LPAR3: variants seen among roughly 807,000 people sequenced by gnomAD.
LPAR3 encodes lysophosphatidic acid receptor 3.
A neutral mutation model predicts 17.8 loss-of-function variants in LPAR3; 7 were observed. The ratio of observed to expected loss-of-function variants is 0.39; its 90% confidence interval spans 0.22 to 0.74. LPAR3 has a LOEUF of 0.74. Among genes scored for constraint, LPAR3 ranks in the 30% least tolerant of loss-of-function variants. The pLI is 0.40. For missense variants in LPAR3, 391 were observed against 453.4 expected, an observed-to-expected ratio of 0.86 and a Z score of 1.25; for synonymous variants, 179 against 179.9, an observed-to-expected ratio of 0.99 and a Z score of 0.04.
intron 2 of LPAR3, among the ~76,000 whole-genome samples, chr1:84,815,543 G>C (rs1658917213): frequency 6.6e-6 from 1 of 152,184 alleles, no homozygotes; most frequent in South Asian, 2.1e-4. Context: ...ATACCAAGCA[G>C]GGAAAGACAA....
intron 2 of LPAR3, 94 bp downstream of exon 2, chr1:84,865,291 T>A (rs1184446487): frequency 7.3e-7 from 1 of 1,365,108 alleles, no homozygotes; most frequent in African/African-American, 1.5e-5. Context: ...TGCTGCATTC[T>A]TACTGCCTAG....
chr1:84,858,078 T>C (rs1045834872), intron 2 of LPAR3, among the ~76,000 whole-genome samples: 3 of 152,210 alleles, frequency 2.0e-5, no homozygotes, highest in Non-Finnish European at 2.9e-5. Flanking sequence ...TGGAACACGC[T>C]GACCTCATCA....
chr1:84,840,104 T>TATTC (rs1321011295), intron 2 of LPAR3, among the ~76,000 whole-genome samples: 3 of 151,970 alleles, frequency 2.0e-5, no homozygotes, highest in Non-Finnish European at 4.4e-5. Context: ...TTTATTTATT[T>TATTC]GTAGAGATGG....
At chr1:84,854,320 T>C (rs940296057) in intron 2 of LPAR3, among the ~76,000 whole-genome samples, 9 of 152,178 alleles carry the variant, frequency 5.9e-5, no homozygotes, top group African/African-American at 2.2e-4. Flanking sequence ...ATATTCTACC[T>C]TCTCAAAGAG....
At chr1:84,879,316 C>CTTTTTTCTTTTTTTTTTTTTTT (rs1553149965) in intron 1 of LPAR3, among the ~76,000 whole-genome samples, 2 of 120,602 alleles carry the variant, frequency 1.7e-5, no homozygotes, top group Non-Finnish European at 1.6e-5. Context: ...TTTCTTTTTT[C>CTTTTTTCTTTTTTTTTTTTTTT]TTTTTTTTTT....
In LPAR3 at chr1:84,814,121, C is replaced by G. The variant is rs781281226; in HGVS notation, c.787G>C (p.Gly263Arg). 1.2e-5 allele frequency: 19 copies of G among 1,613,936 alleles called. No homozygotes were observed. Among genetic ancestry groups the G allele is most frequent in the Admixed American group, 3.3e-5 (2 of 59,996 alleles). Residue 263 changes from glycine (G) to arginine (R), a missense_variant, in exon 3 of 3, where the codon GGC becomes CGC. Transcript: ENST00000370611. ...TPGLVVLLLD[G>R]LNCRQCGVQH... ...ACGCCACACTGCCTGCAGTTCAGGC[C>G]GTCGAGGAGCAGAACCACCAGGCCC...
At chr1:84,874,411 A>C (rs934196610) in intron 1 of LPAR3, among the ~76,000 whole-genome samples, 11 of 152,212 alleles carry the variant, frequency 7.2e-5, no homozygotes, top group African/African-American at 2.7e-4. Flanking sequence ...TGGGGTTTAC[A>C]GAAGGTCTTG....
chr1:84,828,761 TC>T (rs1659218971), intron 2 of LPAR3, among the ~76,000 whole-genome samples: 1 of 152,190 alleles, frequency 6.6e-6, no homozygotes, highest in Admixed American at 6.5e-5. Flanking sequence ...TTGCAGAATT[TC>T]CTCAGATATT....
At chr1:84,822,064 CCTT>C (rs2102745699) in intron 2 of LPAR3, among the ~76,000 whole-genome samples, 1 of 152,236 alleles carries the variant, frequency 6.6e-6, no homozygotes, top group East Asian at 1.9e-4. Context: ...AGGCAAATGT[CCTT>C]CTATTAATAA....
Position 84,850,823 on chromosome 1 carries a change from G to A in LPAR3, c.736+14562C>T, listed in dbSNP as rs142228823. The stretch of plus-strand genomic sequence containing the variant: ...CCAGGAAGCAATTCATGGCTGATGC[G>A]CAGAGTTAGTAAGAGGGGTCCCAGG... On this transcript the variant is annotated intron_variant, in intron 2 of 2. Coordinates refer to ENST00000370611, the MANE Select transcript of LPAR3 (RefSeq NM_012152.3). Among the ~76,000 whole-genome samples the A allele has an allele frequency of 1.8e-3, 279 of 152,336 alleles. 2 individuals are homozygous for A. Among genetic ancestry groups the A allele is most frequent in the African/African-American group, 6.3e-3 (261 of 41,572 alleles).
chr1:84,844,209 C>T (rs1557596792), intron 2 of LPAR3, among the ~76,000 whole-genome samples: 1 of 152,214 alleles, frequency 6.6e-6, no homozygotes, highest in Non-Finnish European at 1.5e-5. Flanking sequence ...TCTAGCTTAA[C>T]ATGTGCTCAC....
At chr1:84,855,478 A>T (rs1659798848) in intron 2 of LPAR3, among the ~76,000 whole-genome samples, 2 of 152,072 alleles carry the variant, frequency 1.3e-5, no homozygotes, top group South Asian at 4.2e-4. Context: ...CTCTCCCTAT[A>T]CCTTCTTTTC....
Position 84,865,430 on chromosome 1 carries a change from G to A in LPAR3, c.691C>T (p.Arg231Trp), listed in dbSNP as rs373680936. 2.5e-5 allele frequency: 40 copies of A among 1,613,914 alleles called. No homozygotes were observed. The highest frequency in any genetic ancestry group is 6.7e-5 in the Admixed American group (4 of 59,996). The change falls in exon 2 of 3, where the codon CGG (arginine) becomes TGG (tryptophan). Residue 231 changes from arginine (R) to tryptophan (W), a missense_variant. Transcript: ENST00000370611. Reference protein sequence around the residue: ...SPHTSGSISRRRTPMKLMKTV... With the variant: ...SPHTSGSISRWRTPMKLMKTV... The stretch of plus-strand genomic sequence containing the variant: ...TTCATTAGCTTCATGGGTGTCCTCC[G>A]GCGGCTGATGGACCCACTTGTATGC...
Position 84,812,077 on chromosome 1 carries a change from T to TA in LPAR3, c.*1768dup, listed in dbSNP as rs1435059188. ...AGGATGCCATTAACCTTGGGAAAAA[T>TA]AAGAGATGGGAAATTATTCTACATG... On this transcript the variant is annotated 3_prime_UTR_variant, in exon 3 of 3. Coordinates refer to ENST00000370611, the MANE Select transcript of LPAR3 (RefSeq NM_012152.3). 2 of 152,030 alleles carry TA rather than the reference T, an allele frequency of 1.3e-5. No homozygotes were observed. The highest frequency in any genetic ancestry group is 2.9e-5 in the Non-Finnish European group (2 of 68,004). The allele number at this position is 152,030 out of a possible 1,614,324, so 9.4% of individuals were successfully genotyped here. A position where few individuals can be genotyped will look rare whatever the true frequency, so the allele number is the denominator to read the frequency against.
Position 84,866,089 on chromosome 1 carries a change from T to C in LPAR3, c.32A>G (p.Asp11Gly). MNECHYDKHMDFFYNRSNTDT... is the reference protein window; with the variant it reads MNECHYDKHMGFFYNRSNTDT... ...AGTGTTGCTCCTATTATAAAAAAAG[T>C]CCATGTGCTTGTCATAGTGACACTC... The change falls in exon 2 of 3, where the codon GAC (aspartate) becomes GGC (glycine). Residue 11 changes from aspartate (D) to glycine (G), a missense_variant. Transcript: ENST00000370611. 6.3e-7 allele frequency: 1 copy of C among 1,598,962 alleles called. No individual in the cohort carries two copies. The highest frequency in any genetic ancestry group is 8.5e-7 in the Non-Finnish European group (1 of 1,174,192).
In LPAR3 at chr1:84,834,682, G is replaced by A. The variant is rs142445362; in HGVS notation, c.737-20511C>T. Among the ~76,000 whole-genome samples, 100 of 152,306 alleles carry A rather than the reference G, an allele frequency of 6.6e-4. 1 individual carries two copies. In the East Asian group the frequency reaches 0.018, roughly 28 times the overall value. ...TTTAATGTTTGTGCCTAGCTAAAAT[G>A]AGATCAGGTCATCAGCCCATTCTTA... On this transcript the variant is annotated intron_variant, in intron 2 of 2. Transcript: ENST00000370611.
intron 1 of LPAR3, among the ~76,000 whole-genome samples, chr1:84,890,195 A>AG (rs1660527802): frequency 6.6e-6 from 1 of 152,062 alleles, no homozygotes; most frequent in Non-Finnish European, 1.5e-5. Flanking sequence ...GGAAAGGGGG[A>AG]GGCTCAGTAC....
At chr1:84,820,369 T>G (rs989978125) in intron 2 of LPAR3, among the ~76,000 whole-genome samples, 28 of 152,184 alleles carry the variant, frequency 1.8e-4, no homozygotes, top group African/African-American at 6.0e-4. Flanking sequence ...CTGAAATTTA[T>G]TAATCACTTC....
intron 1 of LPAR3, among the ~76,000 whole-genome samples, chr1:84,868,773 C>T (rs1049710297): frequency 2.0e-5 from 3 of 152,184 alleles, no homozygotes; most frequent in African/African-American, 7.2e-5. Context: ...ACCAGGCCCT[C>T]ACCAGACACC....
Sources: allele counts gnomAD v4.1 joint callset (sites outside exome capture counted in the v4.1 genomes callset), GRCh38; gene constraint gnomAD v4.1.1; transcripts MANE v1.5; gene names NCBI Gene and HGNC (gene_info 2026-07-23, HGNC 2026-07-21).